Variants in CCR6 observed in about 807,000 individuals in gnomAD.
CCR6 encodes the protein C-C chemokine receptor type 6.
In CCR6, 2 loss-of-function variants were observed where a neutral mutation model predicts 3.0. The ratio of observed to expected loss-of-function variants is 0.66; its 90% confidence interval spans 0.27 to 2.07. The LOEUF is 2.07. CCR6 is among the 30% of genes most tolerant of loss of function. The pLI is 0.14. For synonymous variants in CCR6, 193 were observed against 184.3 expected (o/e 1.05, Z -0.38); for missense variants, 322 against 462.8 (o/e 0.70, Z 2.79).
upstream of CCR6, among the ~76,000 whole-genome samples, chr6:167,118,126 C>T (rs532084145): frequency 1.3e-5 from 2 of 152,154 alleles, no homozygotes; most frequent in South Asian, 2.1e-4. Flanking sequence ...CATGCAAGAC[C>T]GTTCCTGCAT....
intron 1 of CCR6, among the ~76,000 whole-genome samples, chr6:167,114,632 C>T (rs1295361807): frequency 6.6e-6 from 1 of 152,214 alleles, no homozygotes; most frequent in African/African-American, 2.4e-5. Context: ...GCCCCCTGGC[C>T]GAGGCCTGCT....
In CCR6 at chr6:167,136,364, C is replaced by T; in HGVS notation, c.134C>T (p.Ser45Phe). The T allele has an allele frequency of 6.2e-7, 1 of 1,614,198 alleles. No homozygotes were observed. Among genetic ancestry groups the T allele is most frequent in the Admixed American group, 1.7e-5 (1 of 60,024 alleles). Residue 45 changes from serine (S) to phenylalanine (F), a missense_variant, in exon 3 of 3, where the codon TCC becomes TTC. Ser to Phe is a radical substitution (Grantham distance 155). Coordinates refer to ENST00000341935, the MANE Select transcript of CCR6 (RefSeq NM_031409.4). This position sits in a 1 kb window ranked among gnomAD's most constrained non-coding sequence, Gnocchi z 4.6. ...LCSLQEVRQF[S>F]RLFVPIAYSL... Reference sequence around the variant, plus strand: ...TCCTTGCAGGAGGTCAGGCAGTTCTCCAGGCTATTTGTACCGATTGCCTAC... The same window carrying T: ...TCCTTGCAGGAGGTCAGGCAGTTCTTCAGGCTATTTGTACCGATTGCCTAC...
chr6:167,136,845 G>A lies in CCR6; in HGVS notation c.615G>A (p.Ser205=), dbSNP rs778685879. 77 of 1,613,974 alleles carry A rather than the reference G, an allele frequency of 4.8e-5. 1 individual carries two copies. The South Asian group carries it at 6.0e-4, about 13-fold the overall frequency. The change falls in exon 3 of 3, where the codon TCG becomes TCA. Residue 205 remains serine, a synonymous_variant. Transcript: ENST00000341935. The surrounding 1 kb of genome is among the most constrained non-coding windows in gnomAD (Gnocchi z 4.6). ...DVCEPKYQTV[S]EPIRWKLLML... ...GTGAACCCAAGTACCAGACTGTCTCGGAGCCCATCAGGTGGAAGCTGCTGA... is the reference window on the plus strand; with the variant it reads ...GTGAACCCAAGTACCAGACTGTCTCAGAGCCCATCAGGTGGAAGCTGCTGA...
At chr6:167,118,976 C>T (rs192333365), upstream of CCR6, among the ~76,000 whole-genome samples, 135 of 152,292 alleles carry the variant, frequency 8.9e-4, no homozygotes, top group African/African-American at 3.0e-3. Context: ...TTCTCCCTAC[C>T]GTAAACTCGC....
At chr6:167,117,445 T>C (rs1249876711) in intron 1 of CCR6, among the ~76,000 whole-genome samples, 232 of 143,982 alleles carry the variant, frequency 1.6e-3, no homozygotes, top group Non-Finnish European at 2.3e-3. Context: ...GAGACGGAGT[T>C]TCGCTCTGTC....
In CCR6 at chr6:167,117,576, C is replaced by A. The variant is rs562241548; in HGVS notation, c.-98+5562C>A. Among the ~76,000 whole-genome samples the A allele has an allele frequency of 5.9e-5, 9 of 151,776 alleles. No individual in the cohort carries two copies. In the South Asian group the frequency reaches 1.9e-3, roughly 32 times the overall value. ...GGACTACAGGCGCGCGCCACCACGC[C>A]CGGCTAATTTTTGTATTTTTAGTAG... On this transcript the variant is annotated intron_variant, in intron 1 of 2. Coordinates refer to the CCR6 transcript ENST00000400926.
chr6:167,112,836 G>A (rs1042189535), intron 1 of CCR6, among the ~76,000 whole-genome samples: 13 of 152,148 alleles, frequency 8.5e-5, no homozygotes, highest in Non-Finnish European at 5.9e-5. Flanking sequence ...TCTGGAACGT[G>A]TGTCTCTGGA....
chr6:167,134,717 C>T (rs1781823444), intron 1 of CCR6, among the ~76,000 whole-genome samples: 2 of 152,266 alleles, frequency 1.3e-5, no homozygotes, highest in East Asian at 1.9e-4. Flanking sequence ...TAGCTGCTCC[C>T]GCTTGGCATG....
At chr6:167,132,705 T>A (rs1175212651) in intron 1 of CCR6, among the ~76,000 whole-genome samples, 1 of 152,204 alleles carries the variant, frequency 6.6e-6, no homozygotes, top group Non-Finnish European at 1.5e-5. Flanking sequence ...CACGCCTGGC[T>A]AATTTTTGTA....
chr6:167,121,796 A>T (rs1332787314), upstream of CCR6, among the ~76,000 whole-genome samples: 1 of 152,166 alleles, frequency 6.6e-6, no homozygotes, highest in Non-Finnish European at 1.5e-5. Flanking sequence ...TTTGTTTGGA[A>T]GGATTGTTGT....
intron 1 of CCR6, among the ~76,000 whole-genome samples, chr6:167,112,505 A>G (rs1035247732): frequency 6.6e-6 from 1 of 152,248 alleles, no homozygotes; most frequent in Non-Finnish European, 1.5e-5. Flanking sequence ...AAGAGCAGTC[A>G]TCTCTATGAG....
chr6:167,114,128 C>T (rs1353234584), intron 1 of CCR6, among the ~76,000 whole-genome samples: 1 of 152,196 alleles, frequency 6.6e-6, no homozygotes, highest in Non-Finnish European at 1.5e-5. Flanking sequence ...CGGCAGCCGG[C>T]GCATGACCTA....
At chr6:167,135,355 T>G (rs34995854) in intron 1 of CCR6, among the ~76,000 whole-genome samples, 1 of 152,212 alleles carries the variant, frequency 6.6e-6, no homozygotes, top group East Asian at 1.9e-4. Context: ...CCACAGCAGA[T>G]TCATGCTTGT....
At chr6:167,121,467 C>T (rs112542584), upstream of CCR6, 364 of 152,414 alleles carry the variant, frequency 2.4e-3, 4 homozygotes, top group South Asian at 3.7e-3. Flanking sequence ...CACCTGAGAA[C>T]GCAGGAGGGG....
chr6:167,127,345 G>T (rs186751651), intron 1 of CCR6: 72 of 152,310 alleles, frequency 4.7e-4, no homozygotes, highest in African/African-American at 1.6e-3. Flanking sequence ...GCAGGGCTCT[G>T]AAGGGCCACT....
intron 1 of CCR6, among the ~76,000 whole-genome samples, chr6:167,129,028 A>T (rs1781713038): frequency 6.6e-6 from 1 of 152,212 alleles, no homozygotes; most frequent in Non-Finnish European, 1.5e-5. Flanking sequence ...ACATCTTCAG[A>T]TCTAATGAAC....
chr6:167,132,622 C>A (rs1046345237), intron 1 of CCR6, among the ~76,000 whole-genome samples: 1 of 152,148 alleles, frequency 6.6e-6, no homozygotes, highest in Admixed American at 6.5e-5. Flanking sequence ...CTCATTGCAA[C>A]CTCCGCCTCC....
At chr6:167,117,740 G>A (rs1781523529) in intron 1 of CCR6, among the ~76,000 whole-genome samples, 1 of 152,060 alleles carries the variant, frequency 6.6e-6, no homozygotes. Context: ...GAGTCTCCCT[G>A]TCAGTCCTTA....
At chr6:167,131,129 A>G (rs1457189792) in intron 1 of CCR6, 1 of 152,040 alleles carries the variant, frequency 6.6e-6, no homozygotes, top group South Asian at 2.1e-4. Flanking sequence ...ACCAAGAGTT[A>G]CTCACTTTCT....
Sources: gnomAD v4.1 joint callset for allele counts (sites outside exome capture counted in the v4.1 genomes callset) on GRCh38, gnomAD v4.1.1 for gene constraint, Gnocchi (gnomAD v3.1) non-coding constraint, MANE v1.5 for transcripts, NCBI Gene and HGNC (gene_info 2026-07-23, HGNC 2026-07-21) for gene names.